The following RSRC1 variants were observed in gnomAD, a reference collection of about 807,000 sequenced individuals.
RSRC1 encodes arginine and serine rich coiled-coil 1.
RSRC1 carries 39 observed loss-of-function variants against 49.1 expected under a neutral mutation model. That is an observed-to-expected ratio of 0.79 (90% CI 0.61 to 1.04). The LOEUF (loss-of-function observed/expected upper bound fraction) is 1.04, where lower values mean the gene tolerates loss of function less well. Ranked by LOEUF, RSRC1 falls within the 50% of genes least tolerant of loss-of-function variation. RSRC1 has a pLI of 0.00. For missense variants in RSRC1, 388 were observed against 402.4 expected, an observed-to-expected ratio of 0.96 and a Z score of 0.31; for synonymous variants, 143 against 130.8, an observed-to-expected ratio of 1.09 and a Z score of -0.63.
intron 3 of RSRC1, among the ~76,000 whole-genome samples, chr3:158,186,742 C>G (rs1342920511): frequency 2.0e-5 from 3 of 151,778 alleles, no homozygotes; most frequent in African/African-American, 7.3e-5. Flanking sequence ...GGGTTATATG[C>G]TTTTTTAGAG....
intron 4 of RSRC1, among the ~76,000 whole-genome samples, chr3:158,295,977 C>T (rs1029972539): frequency 1.3e-5 from 2 of 152,004 alleles, no homozygotes; most frequent in Non-Finnish European, 2.9e-5. Context: ...GAATTACTAA[C>T]GTGTATGATG....
At chr3:158,432,475 A>G (rs1374444471) in intron 6 of RSRC1, among the ~76,000 whole-genome samples, 1 of 151,828 alleles carries the variant, frequency 6.6e-6, no homozygotes, top group East Asian at 2.0e-4. Context: ...CCTGGCAGCC[A>G]TTGTCCCTCC....
chr3:158,263,128 G>A (rs1251980345), intron 4 of RSRC1, among the ~76,000 whole-genome samples: 1 of 152,050 alleles, frequency 6.6e-6, no homozygotes, highest in South Asian at 2.1e-4. Context: ...GTAATATTCA[G>A]TCTTTTTCCA....
intron 5 of RSRC1, among the ~76,000 whole-genome samples, chr3:158,320,721 T>A (rs1182378044): frequency 2.0e-5 from 3 of 152,190 alleles, no homozygotes; most frequent in Non-Finnish European, 4.4e-5. Context: ...AGTAGGGGAC[T>A]TCCAGCTCAT....
chr3:158,513,794 G>A (rs1740329487), intron 7 of RSRC1, among the ~76,000 whole-genome samples: 1 of 152,180 alleles, frequency 6.6e-6, no homozygotes, highest in African/African-American at 2.4e-5. Context: ...CACAATTTCA[G>A]ATCCTGTTAT....
chr3:158,409,038 T>TAAC (rs771877514), intron 6 of RSRC1, among the ~76,000 whole-genome samples: 1 of 151,554 alleles, frequency 6.6e-6, no homozygotes, highest in Non-Finnish European at 1.5e-5. Flanking sequence ...GTCTGAATAA[T>TAAC]AATAATAATA....
chr3:158,486,266 GACCTCTT>G (rs995706899), intron 7 of RSRC1, among the ~76,000 whole-genome samples: 7 of 152,050 alleles, frequency 4.6e-5, no homozygotes, highest in African/African-American at 1.7e-4. Context: ...GAGCAGCATT[GACCTCTT>G]ACAGTTAATG....
chr3:158,326,595 G>A (rs1221962768), intron 5 of RSRC1, among the ~76,000 whole-genome samples: 3 of 152,104 alleles, frequency 2.0e-5, no homozygotes, highest in African/African-American at 7.2e-5. Flanking sequence ...AGATCATGGT[G>A]GATAAGCTCT....
intron 4 of RSRC1, among the ~76,000 whole-genome samples, chr3:158,213,242 T>C (rs1057243682): frequency 6.6e-6 from 1 of 151,946 alleles, no homozygotes; most frequent in Non-Finnish European, 1.5e-5. Context: ...GAATAACATA[T>C]GTCTCTTTGG....
intron 7 of RSRC1, among the ~76,000 whole-genome samples, chr3:158,529,876 C>T (rs1168670259): frequency 6.6e-6 from 1 of 151,844 alleles, no homozygotes; most frequent in East Asian, 1.9e-4. Context: ...CCTGGGTAAC[C>T]ATATGTCAGC....
chr3:158,525,830 C>T (rs1306320072), intron 7 of RSRC1, among the ~76,000 whole-genome samples: 1 of 151,842 alleles, frequency 6.6e-6, no homozygotes, highest in African/African-American at 2.4e-5. Context: ...CTAGAAAATG[C>T]AGACTAATCT....
rs77930777 is a variant in RSRC1 at position 158,345,192 on chromosome 3, A to G, written c.532-9665A>G. Among the ~76,000 whole-genome samples, 31 of 151,890 alleles carry G rather than the reference A, an allele frequency of 2.0e-4. No homozygotes were observed. The East Asian group carries it at 5.4e-3, about 27-fold the overall frequency. ...CAGTGAGCCGAGATTGTGCCGCTGCACTCCAGTGTGGGCGACAGAGCAAGA... is the reference window on the plus strand; with the variant it reads ...CAGTGAGCCGAGATTGTGCCGCTGCGCTCCAGTGTGGGCGACAGAGCAAGA... On this transcript the variant is annotated intron_variant, in intron 5 of 9. Coordinates refer to ENST00000611884, the MANE Select transcript of RSRC1 (RefSeq NM_001271838.2).
chr3:158,152,866 C>T (rs1326245727), intron 3 of RSRC1, among the ~76,000 whole-genome samples: 1 of 152,134 alleles, frequency 6.6e-6, no homozygotes, highest in Non-Finnish European at 1.5e-5. Context: ...GATTATTGTA[C>T]ATGTTTTATC....
At chr3:158,356,893 T>A (rs961227785) in intron 6 of RSRC1, among the ~76,000 whole-genome samples, 2 of 152,164 alleles carry the variant, frequency 1.3e-5, no homozygotes, top group East Asian at 1.9e-4. Context: ...ATAGATGTGA[T>A]ACTCCAGACC....
intron 7 of RSRC1, among the ~76,000 whole-genome samples, chr3:158,509,410 CTT>C (rs1740033654): frequency 1.3e-5 from 2 of 152,180 alleles, no homozygotes; most frequent in Non-Finnish European, 2.9e-5. Context: ...ATTCTTCAAT[CTT>C]TTCTATTCTG....
rs369031070 is a variant in RSRC1 at position 158,518,038 on chromosome 3, A to G, written c.653-19054A>G. ...TGGTTATGGTGTATTATCTATTTTTATACAATTTGATTTCATTTATTTTTA... is the reference window on the plus strand; with the variant it reads ...TGGTTATGGTGTATTATCTATTTTTGTACAATTTGATTTCATTTATTTTTA... On this transcript the variant is annotated intron_variant, in intron 7 of 9. Coordinates refer to ENST00000611884, the MANE Select transcript of RSRC1 (RefSeq NM_001271838.2). Among the ~76,000 whole-genome samples the G allele has an allele frequency of 1.5e-4, 22 of 145,594 alleles. No individual in the cohort carries two copies. In the East Asian group the frequency reaches 2.8e-3, roughly 18 times the overall value.
intron 5 of RSRC1, among the ~76,000 whole-genome samples, chr3:158,351,616 C>T (rs1361544087): frequency 6.6e-6 from 1 of 152,014 alleles, no homozygotes; most frequent in East Asian, 1.9e-4. Flanking sequence ...TAAACGGAAT[C>T]AAAACTCTAT....
intron 5 of RSRC1, among the ~76,000 whole-genome samples, chr3:158,342,187 G>C (rs1200280941): frequency 1.3e-5 from 2 of 152,180 alleles, no homozygotes. Flanking sequence ...TTGGGGTACT[G>C]TTGGGAAGGC....
At chr3:158,488,457 A>G (rs2108444753) in intron 7 of RSRC1, among the ~76,000 whole-genome samples, 1 of 152,310 alleles carries the variant, frequency 6.6e-6, no homozygotes, top group Middle Eastern at 3.4e-3. Context: ...GTGACCTGCC[A>G]TCCATGTTCA....
Sources: allele counts gnomAD v4.1 joint callset (sites outside exome capture counted in the v4.1 genomes callset), GRCh38; gene constraint gnomAD v4.1.1; transcripts MANE v1.5; gene names NCBI Gene and HGNC (gene_info 2026-07-23, HGNC 2026-07-21).